SCML2: variants seen among roughly 807,000 people sequenced by gnomAD.
SCML2 encodes the protein Scm polycomb group protein like 2.
In SCML2, 6 loss-of-function variants were observed where a neutral mutation model predicts 48.4. The observed-to-expected ratio is 0.12, with a 90% CI of 0.07 to 0.24. SCML2 has a LOEUF of 0.24. Ranked by LOEUF, SCML2 falls within the 10% of genes least tolerant of loss-of-function variation. The pLI is 1.00. For synonymous variants in SCML2, 181 were observed against 189.5 expected (o/e 0.95, Z 0.37); for missense variants, 377 against 528.2 (o/e 0.71, Z 2.81).
chrX:18,332,614 C>T (rs997310885), intron 2 of SCML2, among the ~76,000 whole-genome samples: 2 of 111,834 alleles, frequency 1.8e-5, no homozygotes, highest in African/African-American at 6.5e-5. Context: ...CATTTTACAA[C>T]TACTAATAAA....
chrX:18,241,410 T>G, intron 14 of SCML2, 31 bp from the exon 15 acceptor site: 1 of 1,072,261 alleles, frequency 9.3e-7, no homozygotes, highest in African/African-American at 1.8e-5. Flanking sequence ...TAATCATTAA[T>G]AATGCTTTCA....
At chrX:18,270,605 T>A (rs913571088) in intron 7 of SCML2, among the ~76,000 whole-genome samples, 6 of 110,696 alleles carry the variant, frequency 5.4e-5, no homozygotes, top group African/African-American at 2.0e-4. Context: ...CCGATTCAAC[T>A]AAAAAGGAAA....
intron 7 of SCML2, among the ~76,000 whole-genome samples, chrX:18,289,627 T>C (rs1928165828): frequency 1.8e-5 from 2 of 112,357 alleles, no homozygotes; most frequent in African/African-American, 6.5e-5. Flanking sequence ...CTGCCACTTT[T>C]GACCTACTGT....
rs1456166526 is a variant in SCML2, at chrX:18,329,788, GA to G, written c.91+798del. On this transcript the variant is annotated intron_variant, in intron 3 of 14. Coordinates refer to ENST00000251900, the MANE Select transcript of SCML2 (RefSeq NM_006089.3). ...ATCATTATCCCTGTGTTATAAAGAA[GA>G]AAAAAGAGCCGGGCACAGTGGCTCA... Among the ~76,000 whole-genome samples, 22 of 112,371 alleles carry G rather than the reference GA, an allele frequency of 2.0e-4. No individual in the cohort carries two copies. In the Admixed American group the frequency reaches 2.0e-3, roughly 10 times the overall value.
chrX:18,285,028 G>A (rs1414275986), intron 7 of SCML2, among the ~76,000 whole-genome samples: 7 of 90,959 alleles, frequency 7.7e-5, no homozygotes, highest in South Asian at 5.2e-4. Context: ...CAACAAGAGC[G>A]CAACTCCGCC....
At chrX:18,289,131 T>C (rs1361638228) in intron 7 of SCML2, among the ~76,000 whole-genome samples, 1 of 111,771 alleles carries the variant, frequency 8.9e-6, no homozygotes, top group East Asian at 2.8e-4. Flanking sequence ...GACAAAGTTA[T>C]CCCCACCTGA....
chrX:18,345,732 T>C (rs1429675638), intron 1 of SCML2, among the ~76,000 whole-genome samples: 1 of 108,999 alleles, frequency 9.2e-6, no homozygotes, highest in Admixed American at 1.0e-4. Flanking sequence ...TATTCTTTGT[T>C]TTGAGACAGG....
At chrX:18,254,977 T>C (rs1268813805) in intron 11 of SCML2, among the ~76,000 whole-genome samples, 1 of 110,930 alleles carries the variant, frequency 9.0e-6, no homozygotes, top group Non-Finnish European at 1.9e-5. Context: ...CTCGTATTTT[T>C]CCCCAAATTA....
At chrX:18,295,598 G>A (rs1293441798) in intron 7 of SCML2, among the ~76,000 whole-genome samples, 3 of 43,270 alleles carry the variant, frequency 6.9e-5, no homozygotes, top group African/African-American at 1.8e-4. Context: ...GGACCTACCC[G>A]CCCACCCAGC....
At position 18,269,158 on chromosome X, in the gene SCML2, A is replaced by C. The variant is rs187071693; in HGVS notation, c.731-3356T>G. On this transcript the variant is annotated intron_variant, in intron 7 of 14. Transcript: ENST00000251900. Reference sequence around the variant, plus strand: ...AAAGAAATTATTTTCCAAGGTCATTAAGTGACCTCTTTTTAGTTACTGAGA... The same window carrying C: ...AAAGAAATTATTTTCCAAGGTCATTCAGTGACCTCTTTTTAGTTACTGAGA... 4.6e-3 allele frequency among the ~76,000 whole-genome samples: 516 copies of C among 112,072 alleles called. 5 individuals are homozygous for C. The highest frequency in any genetic ancestry group is 0.016 in the African/African-American group (481 of 30,838).
intron 7 of SCML2, among the ~76,000 whole-genome samples, chrX:18,268,841 C>A (rs770276462): frequency 2.1e-4 from 23 of 111,180 alleles, no homozygotes; most frequent in Non-Finnish European, 3.2e-4. Context: ...CTTAACAACA[C>A]CTTGCTTTGG....
chrX:18,246,311 A>T (rs1370735591), intron 13 of SCML2, among the ~76,000 whole-genome samples: 2 of 112,115 alleles, frequency 1.8e-5, no homozygotes, highest in Non-Finnish European at 3.8e-5. Flanking sequence ...CAAGGAAATG[A>T]TAAATTACAA....
chrX:18,292,917 AAATTATTCTAT>A (rs778746531), intron 7 of SCML2, among the ~76,000 whole-genome samples: 586 of 111,683 alleles, frequency 5.2e-3, no homozygotes, highest in Non-Finnish European at 8.0e-3. Context: ...CTCTCATTCT[AAATTATTCTAT>A]AATTATTCTA....
intron 13 of SCML2, among the ~76,000 whole-genome samples, chrX:18,245,991 G>A (rs1242179476): frequency 8.9e-6 from 1 of 112,245 alleles, no homozygotes; most frequent in Non-Finnish European, 1.9e-5. Flanking sequence ...TGCCTGCCTC[G>A]GCCTCCCAAA....
intron 8 of SCML2, among the ~76,000 whole-genome samples, chrX:18,263,289 ATAC>A (rs1418087786): frequency 9.0e-6 from 1 of 111,276 alleles, no homozygotes; most frequent in East Asian, 2.8e-4. Context: ...TCAGGCCTTT[ATAC>A]TACAATTGTT....
At chrX:18,264,034 C>T (rs907149207) in intron 8 of SCML2, among the ~76,000 whole-genome samples, 6 of 83,951 alleles carry the variant, frequency 7.1e-5, no homozygotes, top group African/African-American at 2.7e-4. Context: ...TGTGCTTATT[C>T]TGTTTGCTCT....
At chrX:18,254,414 GCTTT>G (rs1002087669) in intron 11 of SCML2, among the ~76,000 whole-genome samples, 3 of 111,784 alleles carry the variant, frequency 2.7e-5, no homozygotes, top group Non-Finnish European at 5.6e-5. Flanking sequence ...GCTAAATTAA[GCTTT>G]CTGTGACAGA....
chrX:18,298,526 T>C (rs1198693233), intron 7 of SCML2, among the ~76,000 whole-genome samples: 1 of 112,295 alleles, frequency 8.9e-6, no homozygotes, highest in African/African-American at 3.2e-5. Context: ...CCGTTTTCAA[T>C]AAACAGTGCT....
At chrX:18,279,440 A>T (rs1927753583) in intron 7 of SCML2, among the ~76,000 whole-genome samples, 1 of 112,373 alleles carries the variant, frequency 8.9e-6, no homozygotes, top group Admixed American at 9.4e-5. Context: ...AAGAATCAGC[A>T]CAAGAACTTT....
Sources: allele counts gnomAD v4.1 joint callset (sites outside exome capture counted in the v4.1 genomes callset), GRCh38; gene constraint gnomAD v4.1.1; transcripts MANE v1.5; gene names NCBI Gene and HGNC (gene_info 2026-07-23, HGNC 2026-07-21).